Variants in NUP85 observed in about 807,000 individuals in gnomAD.
NUP85 encodes the protein nucleoporin 85.
NUP85 carries 23 observed loss-of-function variants against 92.8 expected under a neutral mutation model. The ratio of observed to expected loss-of-function variants is 0.25; its 90% CI spans 0.18 to 0.35. The LOEUF (loss-of-function observed/expected upper bound fraction) is 0.35, where lower values mean the gene tolerates loss of function less well. NUP85 is among the 10% of genes least tolerant of loss of function. NUP85 has a pLI of 1.00. For synonymous variants in NUP85, 314 were observed against 306.9 expected (o/e 1.02, Z -0.24); for missense variants, 759 against 822.8 (o/e 0.92, Z 0.95).
chr17:75,225,088 C>G lies in NUP85; in HGVS notation c.598-15C>G, dbSNP rs1334408640. The G allele has an allele frequency of 1.3e-6, 2 of 1,532,436 alleles. No homozygotes were observed. Among genetic ancestry groups the G allele is most frequent in the Non-Finnish European group, 1.8e-6 (2 of 1,137,794 alleles). 94.9% of individuals were successfully genotyped at this position (1,532,436 alleles called of 1,614,324 possible). The stretch of plus-strand genomic sequence containing the variant: ...GGCCTCCTGCCAATGCTTATGGGCC[C>G]GGATCTCCTCCCAGGTGACCATCTT... On this transcript the variant is annotated splice_polypyrimidine_tract_variant and intron_variant, in intron 7 of 18. Transcript: ENST00000245544.
intron 5 of NUP85, 43 bp from the exon 6 acceptor site, chr17:75,215,711 C>T (rs1486307095): frequency 6.3e-7 from 1 of 1,581,032 alleles, no homozygotes; most frequent in East Asian, 2.2e-5. Flanking sequence ...GAGCAAAGCT[C>T]AGGAATCATT....
intron 2 of NUP85, 128 bp from the exon 3 acceptor site, chr17:75,209,695 G>C (rs1234377129): frequency 2.3e-5 from 15 of 654,412 alleles, no homozygotes; most frequent in Non-Finnish European, 3.6e-5. Context: ...GCCTGCCTTG[G>C]CCTCCCAAAG....
At chr17:75,205,882 G>A in intron 1 of NUP85, 88 bp downstream of exon 1, 1 of 1,473,246 alleles carries the variant, frequency 6.8e-7, no homozygotes, top group Non-Finnish European at 9.4e-7. Flanking sequence ...CTTCCCTAGT[G>A]GTCGCGAGGC....
intron 11 of NUP85, chr17:75,227,041 T>C (rs934702654): frequency 3.1e-5 from 6 of 193,464 alleles, no homozygotes; most frequent in African/African-American, 1.4e-4. Flanking sequence ...ACTCTCCATA[T>C]ATGGTAAGTC....
chr17:75,206,374 T>C (rs570927063), intron 1 of NUP85, among the ~76,000 whole-genome samples: 78 of 152,246 alleles, frequency 5.1e-4, no homozygotes, highest in Non-Finnish European at 8.8e-4. Flanking sequence ...TCCCTCTTGT[T>C]AACCAGAAGT....
At chr17:75,235,470 C>T (rs375654807) in intron 18 of NUP85, 108 bp from the exon 19 acceptor site, 2 of 738,670 alleles carry the variant, frequency 2.7e-6, no homozygotes, top group Non-Finnish European at 4.6e-6. Flanking sequence ...TTGCTGGAAG[C>T]TACTATGAAT....
chr17:75,206,319 T>G (rs993028122), intron 1 of NUP85, among the ~76,000 whole-genome samples: 1 of 152,170 alleles, frequency 6.6e-6, no homozygotes, highest in South Asian at 2.1e-4. Context: ...ACGCGCTTTA[T>G]GTACGAGATA....
intron 7 of NUP85, among the ~76,000 whole-genome samples, chr17:75,223,224 G>T (rs2075650999): frequency 6.6e-6 from 1 of 152,040 alleles, no homozygotes; most frequent in African/African-American, 2.4e-5. Context: ...AGAAAGCCTT[G>T]TTTAGTGTGT....
intron 9 of NUP85, 28 bp downstream of exon 9, chr17:75,225,492 A>G (rs201624012): frequency 1.5e-4 from 234 of 1,609,380 alleles, no homozygotes; most frequent in Non-Finnish European, 1.9e-4. Flanking sequence ...GATTGCATCC[A>G]TGTTGGCTTC....
chr17:75,208,869 G>A (rs982557217), intron 2 of NUP85, among the ~76,000 whole-genome samples: 16 of 152,044 alleles, frequency 1.1e-4, no homozygotes, highest in Non-Finnish European at 1.9e-4. Flanking sequence ...AGTCTTCCTA[G>A]TAGCTGAGAC....
At chr17:75,226,748 T>C (rs564998315) in intron 11 of NUP85, 7 of 451,572 alleles carry the variant, frequency 1.6e-5, no homozygotes, top group Admixed American at 2.4e-5. Flanking sequence ...ATTTCAGGGA[T>C]GTTCATTTAA....
chr17:75,225,743 C>T lies in NUP85; in HGVS notation c.901C>T (p.Leu301=). 19 of 1,614,142 alleles carry T rather than the reference C, an allele frequency of 1.2e-5. No individual in the cohort carries two copies. Among genetic ancestry groups the T allele is most frequent in the Non-Finnish European group, 1.6e-5 (19 of 1,180,020 alleles). The part of the protein sequence containing the change: ...EAALLEQKEL[L]SNWYHFLVTR... ...TGCCTTGTTAGAGCAGAAGGAACTT[C>T]TGAGTAATTGGTATCATTTCCTAGT... Residue 301 remains leucine, a synonymous_variant, in exon 10 of 19, where the codon CTG becomes TTG. Transcript: ENST00000245544.
intron 5 of NUP85, among the ~76,000 whole-genome samples, chr17:75,214,082 G>A (rs1408920266): frequency 2.0e-5 from 3 of 151,898 alleles, no homozygotes; most frequent in African/African-American, 4.8e-5. Context: ...CTGACCTCGT[G>A]ATCTGCCTGC....
intron 16 of NUP85, 140 bp downstream of exon 16, chr17:75,233,298 T>C (rs2076149947): frequency 4.6e-6 from 3 of 653,246 alleles, no homozygotes; most frequent in South Asian, 1.9e-5. Context: ...TCCTCCGTCA[T>C]GTCCAGGATC....
chr17:75,222,065 T>C (rs1277698265), intron 7 of NUP85, among the ~76,000 whole-genome samples: 1 of 148,134 alleles, frequency 6.8e-6, no homozygotes, highest in Non-Finnish European at 1.5e-5. Context: ...TTGTTTGTTT[T>C]GAGACAAAGT....
Position 75,233,156 on chromosome 17 carries a change from T to C in NUP85, c.1613T>C (p.Leu538Pro), listed in dbSNP as rs772053230. ...AMMLSDRLTF[L>P]GKYREFHRMY... ...ATGCTCAGTGACCGACTGACATTCC[T>C]GGGTGAGTCTCTGGGTTTTGTGCCC... The change falls in exon 16 of 19, where the codon CTG becomes CCG. Residue 538 changes from leucine to proline, a missense_variant and splice_region_variant. Physicochemically the swap from Leu to Pro is moderately conservative, Grantham distance 98 (BLOSUM62 -3). Transcript: ENST00000245544. The C allele has an allele frequency of 1.2e-6, 2 of 1,613,724 alleles. No individual in the cohort carries two copies. Among genetic ancestry groups the C allele is most frequent in the Non-Finnish European group, 8.5e-7 (1 of 1,179,840 alleles).
At chr17:75,219,215 C>T (rs897425238) in intron 7 of NUP85, among the ~76,000 whole-genome samples, 1 of 152,084 alleles carries the variant, frequency 6.6e-6, no homozygotes, top group Non-Finnish European at 1.5e-5. Context: ...GAATTCGGCC[C>T]GGCACGGTGG....
chr17:75,212,168 C>T, intron 4 of NUP85, 106 bp downstream of exon 4: 1 of 646,310 alleles, frequency 1.5e-6, no homozygotes, highest in African/African-American at 1.9e-5. Context: ...GATTGATATT[C>T]CAGTCCAAAA....
intron 4 of NUP85, among the ~76,000 whole-genome samples, 159 bp from the exon 5 acceptor site, chr17:75,212,917 A>G (rs1416755817): frequency 6.6e-5 from 10 of 152,258 alleles, no homozygotes; most frequent in Non-Finnish European, 1.5e-4. Context: ...TGAAGCATTA[A>G]CAGCAACAAA....
Sources: allele counts gnomAD v4.1 joint callset (sites outside exome capture counted in the v4.1 genomes callset), GRCh38; gene constraint gnomAD v4.1.1; transcripts MANE v1.5; gene names NCBI Gene and HGNC (gene_info 2026-07-23, HGNC 2026-07-21).